Variants in RHPN2 observed in about 807,000 individuals in gnomAD.
RHPN2 encodes rhophilin-2.
RHPN2 carries 40 observed loss-of-function variants against 79.0 expected under a neutral mutation model. The observed-to-expected ratio is 0.51, with a 90% CI of 0.39 to 0.66. The LOEUF is 0.66. Ranked by LOEUF, RHPN2 falls within the 30% of genes least tolerant of loss-of-function variation. The probability of loss-of-function intolerance (pLI) is 0.00; values close to 1 mark genes in which losing one functional copy is unlikely to be tolerated. For missense variants in RHPN2, 686 were observed against 883.5 expected (o/e 0.78, Z 2.83); for synonymous variants, 285 against 363.5 (o/e 0.78, Z 2.46).
chr19:33,021,677 C>T, intron 3 of RHPN2, 31 bp from the exon 4 acceptor site: 4 of 1,567,720 alleles, frequency 2.6e-6, no homozygotes, highest in Middle Eastern at 1.7e-4. Context: ...TATGTATGAA[C>T]ACCCCCAACC....
At chr19:33,056,329 C>T (rs766953970) in intron 1 of RHPN2, among the ~76,000 whole-genome samples, 1 of 151,946 alleles carries the variant, frequency 6.6e-6, no homozygotes, top group Non-Finnish European at 1.5e-5. Flanking sequence ...TCAGGCTGGT[C>T]TCGAACTCCC....
chr19:33,043,280 G>A (rs755762164), intron 2 of RHPN2, among the ~76,000 whole-genome samples: 6 of 152,184 alleles, frequency 3.9e-5, no homozygotes, highest in Non-Finnish European at 8.8e-5. Flanking sequence ...GCCAGACGCA[G>A]TAGCTCGCGC....
chr19:33,064,755 T>TGGCGC, intron 1 of RHPN2, 29 bp downstream of exon 1: 1 of 1,427,946 alleles, frequency 7.0e-7, no homozygotes, highest in Non-Finnish European at 9.4e-7. Flanking sequence ...AGCCCGCAGG[T>TGGCGC]CCCCGCCCGC....
chr19:32,993,088 A>G (rs1971673867), intron 12 of RHPN2, among the ~76,000 whole-genome samples: 1 of 152,032 alleles, frequency 6.6e-6, no homozygotes, highest in Non-Finnish European at 1.5e-5. Flanking sequence ...GCTGTAATCC[A>G]GCCTAGGTGA....
In RHPN2 at chr19:33,045,345, G is replaced by A. The variant is rs540816465; in HGVS notation, c.70-981C>T. Reference sequence around the variant, plus strand: ...TGGGATGGCAGGTGTGAGCCACTGCGCCTGGCCTACTTTTTTTATTTAGTA... The same window carrying A: ...TGGGATGGCAGGTGTGAGCCACTGCACCTGGCCTACTTTTTTTATTTAGTA... On this transcript the variant is annotated intron_variant, in intron 1 of 14. Transcript: ENST00000254260. 7.9e-4 allele frequency among the ~76,000 whole-genome samples: 120 copies of A among 152,184 alleles called. 1 individual carries two copies. The highest frequency in any genetic ancestry group is 3.4e-3 in the Middle Eastern group (1 of 294).
At chr19:33,041,728 A>G (rs1362688036) in intron 2 of RHPN2, among the ~76,000 whole-genome samples, 8 of 152,300 alleles carry the variant, frequency 5.3e-5, no homozygotes, top group Middle Eastern at 3.4e-3. Flanking sequence ...GCCAACCTCT[A>G]TGATATTCAG....
intron 2 of RHPN2, among the ~76,000 whole-genome samples, chr19:33,043,344 C>A (rs112066987): frequency 1.3e-4 from 19 of 151,686 alleles, no homozygotes; most frequent in Non-Finnish European, 2.8e-4. Context: ...TGAGGCCAGG[C>A]GTTCAAGACC....
At chr19:33,027,926 TC>T (rs1242822077) in intron 2 of RHPN2, among the ~76,000 whole-genome samples, 1 of 152,202 alleles carries the variant, frequency 6.6e-6, no homozygotes, top group East Asian at 1.9e-4. Flanking sequence ...ATGACTGCTT[TC>T]CTCTTCTCAC....
chr19:33,058,773 C>T (rs146494002), intron 1 of RHPN2, among the ~76,000 whole-genome samples: 8 of 152,006 alleles, frequency 5.3e-5, no homozygotes, highest in Admixed American at 3.3e-4. Flanking sequence ...AGCGAGACTC[C>T]GTCTCAATAA....
chr19:32,983,422 G>A (rs1363321169), intron 14 of RHPN2, among the ~76,000 whole-genome samples: 1 of 151,732 alleles, frequency 6.6e-6, no homozygotes. Flanking sequence ...TGAGGCAGGA[G>A]AATGGCATGA....
chr19:33,022,876 G>A (rs926659024), intron 3 of RHPN2, among the ~76,000 whole-genome samples: 3 of 152,110 alleles, frequency 2.0e-5, no homozygotes, highest in Non-Finnish European at 4.4e-5. Flanking sequence ...ATGGAAAGCC[G>A]GATCCTGCTG....
In RHPN2 at chr19:33,053,083, T is replaced by A. The variant is rs564149167; in HGVS notation, c.70-8719A>T. Among the ~76,000 whole-genome samples the A allele has an allele frequency of 4.4e-4, 67 of 152,008 alleles. 1 individual carries two copies. The South Asian group carries it at 0.013, about 30-fold the overall frequency. On this transcript the variant is annotated intron_variant, in intron 1 of 14. Coordinates refer to ENST00000254260, the MANE Select transcript of RHPN2 (RefSeq NM_033103.5). ...ACCTCCCGGGTTCAAGCGATTCTCC[T>A]GTTTCAGCCTCCTGAGTAGCTGGGA...
chr19:33,063,885 C>T (rs1240232998), intron 1 of RHPN2, among the ~76,000 whole-genome samples: 2 of 150,870 alleles, frequency 1.3e-5, no homozygotes, highest in Middle Eastern at 3.2e-3. Context: ...CGCTTTGGCA[C>T]ACAGTGAGAC....
At chr19:33,001,968 T>C (rs143580609) in intron 9 of RHPN2, among the ~76,000 whole-genome samples, 6 of 152,334 alleles carry the variant, frequency 3.9e-5, no homozygotes, top group African/African-American at 1.4e-4. Context: ...GCCAGCATTT[T>C]TGGCCTTCCC....
intron 2 of RHPN2, among the ~76,000 whole-genome samples, chr19:33,030,759 G>T (rs923303509): frequency 6.6e-6 from 1 of 152,100 alleles, no homozygotes; most frequent in Non-Finnish European, 1.5e-5. Flanking sequence ...AATTATGTTT[G>T]CAACCCTCCA....
chr19:33,050,184 G>A (rs1274418075), intron 1 of RHPN2, among the ~76,000 whole-genome samples: 2 of 152,162 alleles, frequency 1.3e-5, no homozygotes, highest in Non-Finnish European at 2.9e-5. Flanking sequence ...CTGGGAGGCT[G>A]TGACACTGAG....
intron 4 of RHPN2, among the ~76,000 whole-genome samples, chr19:33,017,326 A>G (rs1463175167): frequency 6.6e-6 from 1 of 152,026 alleles, no homozygotes; most frequent in East Asian, 1.9e-4. Context: ...GTGAGCTGAG[A>G]TCGTGCCATT....
In RHPN2 at chr19:33,012,553, C is replaced by T. The variant is rs1403710676; in HGVS notation, c.468+94G>A. On this transcript the variant is annotated intron_variant, in intron 5 of 14. Coordinates refer to ENST00000254260, the MANE Select transcript of RHPN2 (RefSeq NM_033103.5). The stretch of plus-strand genomic sequence containing the variant: ...CCCCCAACCATCACCTCTATCCACC[C>T]GCGATTCTGTTAAGACCACAAGCGT... The T allele has an allele frequency of 4.8e-6, 4 of 836,250 alleles. No homozygotes were observed. The African/African-American group carries it at 5.0e-5, about 10-fold the overall frequency. The allele number at this position is 836,250 out of a possible 1,614,324, so 51.8% of individuals were successfully genotyped here.
chr19:32,997,805 G>A (rs1017784077), intron 10 of RHPN2, among the ~76,000 whole-genome samples: 6 of 152,128 alleles, frequency 3.9e-5, no homozygotes, highest in Admixed American at 6.6e-5. Flanking sequence ...AAAGCTTTGT[G>A]ATATGGTCCT....
Sources: gnomAD v4.1 joint callset for allele counts (sites outside exome capture counted in the v4.1 genomes callset) on GRCh38, gnomAD v4.1.1 for gene constraint, MANE v1.5 for transcripts, NCBI Gene and HGNC (gene_info 2026-07-23, HGNC 2026-07-21) for gene names.